The following CFAP47 variants were observed in gnomAD, a reference collection of about 807,000 sequenced individuals.
CFAP47 encodes cilia and flagella associated protein 47.
CFAP47 carries 29 observed loss-of-function variants against 148.1 expected under a neutral mutation model. That is an observed-to-expected ratio of 0.20 (90% confidence interval 0.15 to 0.27). CFAP47 has a LOEUF of 0.27. CFAP47 is among the 10% of genes least tolerant of loss of function. The pLI is 1.00. For missense variants in CFAP47, 1,872 were observed against 1,697.5 expected, an observed-to-expected ratio of 1.10 and a Z score of -1.81; for synonymous variants, 664 against 577.3, an observed-to-expected ratio of 1.15 and a Z score of -2.15.
At chrX:35,970,665 C>T (rs970369422) in intron 10 of CFAP47, 103 bp from the exon 11 acceptor site, 4 of 547,867 alleles carry the variant, frequency 7.3e-6, no homozygotes, top group Non-Finnish European at 1.1e-5. Context: ...TTTGCCATTC[C>T]ACATCCAACA....
At chrX:36,161,810 A>C (rs1054419197) in intron 39 of CFAP47, among the ~76,000 whole-genome samples, 2 of 112,122 alleles carry the variant, frequency 1.8e-5, no homozygotes, top group African/African-American at 6.5e-5. Context: ...TTCTCTAATA[A>C]TTTTGGTCAT....
chrX:36,291,848 A>G (rs945242586), intron 51 of CFAP47, among the ~76,000 whole-genome samples: 9 of 111,510 alleles, frequency 8.1e-5, no homozygotes, highest in Admixed American at 3.8e-4. Flanking sequence ...ATACTTACAT[A>G]TATATACGTA....
At chrX:36,261,256 G>A (rs1940815357) in intron 49 of CFAP47, among the ~76,000 whole-genome samples, 1 of 102,527 alleles carries the variant, frequency 9.8e-6, no homozygotes, top group Admixed American at 1.1e-4. Context: ...TGTGCTGGGA[G>A]CAAATGGTTT....
At chrX:36,237,144 CATG>C (rs1477109551) in intron 48 of CFAP47, among the ~76,000 whole-genome samples, 1 of 111,232 alleles carries the variant, frequency 9.0e-6, no homozygotes, top group African/African-American at 3.3e-5. Flanking sequence ...AAAAATTGTA[CATG>C]ATAATAAATG....
At chrX:36,277,449 A>T (rs1267013602) in intron 49 of CFAP47, among the ~76,000 whole-genome samples, 1 of 112,226 alleles carries the variant, frequency 8.9e-6, no homozygotes, top group African/African-American at 3.2e-5. Flanking sequence ...GACAGTGAGG[A>T]CATATATGTA....
chrX:36,123,518 C>T (rs1415202723), intron 33 of CFAP47, among the ~76,000 whole-genome samples: 3 of 111,726 alleles, frequency 2.7e-5, no homozygotes, highest in South Asian at 3.8e-4. Flanking sequence ...GTCCTTCCCA[C>T]TCTTCCCTCC....
chrX:36,261,899 G>A (rs903680995), intron 49 of CFAP47, among the ~76,000 whole-genome samples: 15 of 111,093 alleles, frequency 1.4e-4, no homozygotes, highest in African/African-American at 3.3e-4. Flanking sequence ...CAGAAGGGGC[G>A]GCCGGGCAGA....
At chrX:36,015,228 C>A (rs1004791463) in intron 22 of CFAP47, among the ~76,000 whole-genome samples, 4 of 102,795 alleles carry the variant, frequency 3.9e-5, no homozygotes, top group Non-Finnish European at 1.9e-5. Flanking sequence ...TAAAATATTA[C>A]AAAATGCATT....
intron 49 of CFAP47, among the ~76,000 whole-genome samples, chrX:36,272,514 C>T (rs1482758695): frequency 9.0e-6 from 1 of 111,474 alleles, no homozygotes; most frequent in Admixed American, 9.6e-5. Context: ...CAGACAAGGG[C>T]ACTTTTGTGA....
At chrX:36,093,712 ATAT>A (rs994803509) in intron 30 of CFAP47, among the ~76,000 whole-genome samples, 2 of 111,375 alleles carry the variant, frequency 1.8e-5, no homozygotes, top group African/African-American at 3.3e-5. Flanking sequence ...AAAGAAACAA[ATAT>A]TATGCCCATT....
intron 45 of CFAP47, among the ~76,000 whole-genome samples, chrX:36,218,570 A>C (rs1940182156): frequency 8.9e-6 from 1 of 111,896 alleles, no homozygotes; most frequent in Admixed American, 9.5e-5. Context: ...AGAGATGGGA[A>C]GAGTCTACGT....
intron 60 of CFAP47, among the ~76,000 whole-genome samples, chrX:36,357,635 A>G (rs1556018632): frequency 2.7e-5 from 3 of 111,875 alleles, no homozygotes; most frequent in African/African-American, 9.7e-5. Flanking sequence ...GTATTGTCCT[A>G]TTGAAATATT....
At chrX:36,312,175 G>T (rs1472612236) in intron 56 of CFAP47, among the ~76,000 whole-genome samples, 2 of 110,790 alleles carry the variant, frequency 1.8e-5, no homozygotes, top group Non-Finnish European at 3.8e-5. Flanking sequence ...GTTGGGATCA[G>T]AACAGAGGTA....
intron 39 of CFAP47, among the ~76,000 whole-genome samples, chrX:36,177,452 T>G (rs1363525931): frequency 8.9e-6 from 1 of 111,822 alleles, no homozygotes. Context: ...CCTCATAATT[T>G]TATGAAATTT....
intron 48 of CFAP47, among the ~76,000 whole-genome samples, chrX:36,248,430 A>G (rs1484617492): frequency 1.9e-5 from 2 of 104,676 alleles, no homozygotes; most frequent in Non-Finnish European, 3.9e-5. Context: ...TATTTGATAT[A>G]TAATATAATT....
At chrX:36,244,874 C>T (rs1277544199) in intron 48 of CFAP47, among the ~76,000 whole-genome samples, 1 of 111,292 alleles carries the variant, frequency 9.0e-6, no homozygotes, top group Admixed American at 9.6e-5. Context: ...CCAGCATTAA[C>T]CTGATGCCAA....
intron 39 of CFAP47, among the ~76,000 whole-genome samples, chrX:36,178,479 T>C (rs746501623): frequency 1.8e-5 from 2 of 111,897 alleles, no homozygotes; most frequent in African/African-American, 6.5e-5. Context: ...TTTGTGGGTG[T>C]GTGTGTGTGT....
chrX:35,979,432 G>T (rs1441866004), intron 15 of CFAP47, among the ~76,000 whole-genome samples: 1 of 109,244 alleles, frequency 9.2e-6, no homozygotes, highest in Non-Finnish European at 1.9e-5. Flanking sequence ...ACTTGTTTTT[G>T]ATCAATTCAC....
chrX:36,235,417 C>G (rs181285296), intron 46 of CFAP47, among the ~76,000 whole-genome samples: 26 of 112,471 alleles, frequency 2.3e-4, no homozygotes, highest in African/African-American at 7.7e-4. Context: ...TAGGACCCTC[C>G]GAGCCAGGTG....
Sources: gnomAD v4.1 joint callset for allele counts (sites outside exome capture counted in the v4.1 genomes callset) on GRCh38, gnomAD v4.1.1 for gene constraint, MANE v1.5 for transcripts, NCBI Gene and HGNC (gene_info 2026-07-23, HGNC 2026-07-21) for gene names.